The following STK32A variants were observed in gnomAD, a reference collection of about 807,000 sequenced individuals.
The protein encoded by STK32A is serine/threonine kinase 32A, also known as serine/threonine-protein kinase 32A.
In STK32A, 41 loss-of-function variants were observed where a neutral mutation model predicts 53.2. The observed-to-expected ratio is 0.77, with a 90% CI of 0.60 to 1.00. The LOEUF (loss-of-function observed/expected upper bound fraction) is 1.00. Ranked by LOEUF, STK32A falls within the 50% of genes least tolerant of loss-of-function variation. STK32A has a pLI of 0.00. For synonymous variants in STK32A, 166 were observed against 162.8 expected (o/e 1.02, Z -0.15); for missense variants, 458 against 485.8 (o/e 0.94, Z 0.54).
At chr5:147,292,516 C>T (rs1409555518) in intron 4 of STK32A, among the ~76,000 whole-genome samples, 1 of 152,254 alleles carries the variant, frequency 6.6e-6, no homozygotes. Flanking sequence ...AAATTCTTGA[C>T]TTTGGAAAAC....
intron 4 of STK32A, among the ~76,000 whole-genome samples, chr5:147,288,157 C>T (rs113264111): frequency 0.02 from 3,050 of 152,120 alleles, 103 homozygotes; most frequent in African/African-American, 0.07. Context: ...GCATCATTAA[C>T]AATGATAGAA....
At chr5:147,302,172 T>C (rs1753172626) in intron 4 of STK32A, among the ~76,000 whole-genome samples, 1 of 152,214 alleles carries the variant, frequency 6.6e-6, no homozygotes, top group Non-Finnish European at 1.5e-5. Flanking sequence ...GTGCAATTCA[T>C]TCCCATTGTT....
chr5:147,243,702 C>G (rs898316140), intron 2 of STK32A, among the ~76,000 whole-genome samples: 3 of 148,136 alleles, frequency 2.0e-5, no homozygotes, highest in African/African-American at 7.6e-5. Context: ...GATTGCTCCA[C>G]TGCACTCCAG....
the STK32A span, among the ~76,000 whole-genome samples, chr5:147,396,016 C>T: frequency 2.0e-5 from 3 of 151,760 alleles, no homozygotes; most frequent in African/African-American, 7.3e-5. Context: ...GGAGGGATAC[C>T]GGGGAGTGGT....
Position 147,383,908 on chromosome 5 carries a change from C to T in STK32A, c.1116C>T (p.Asn372=), listed in dbSNP as rs745935917. The T allele has an allele frequency of 3.8e-6, 6 of 1,585,256 alleles. No homozygotes were observed. Among genetic ancestry groups the T allele is most frequent in the Non-Finnish European group, 5.2e-6 (6 of 1,163,746 alleles). Residue 372 remains asparagine (N), a synonymous_variant, in exon 13 of 13, where the codon AAC becomes AAT. Coordinates refer to ENST00000397936, the MANE Select transcript of STK32A (RefSeq NM_001112724.2). ...TTTTAAGAGTAAACAGGGACTTTAA[C>T]AAAAGACAACCAAATCTAGCCTTGG... is the stretch of plus-strand genomic sequence containing the variant. The part of the protein sequence containing the change: ...FNREKVNRDF[N]KRQPNLALEQ...
At chr5:147,366,032 T>TACACAC (rs61026081) in intron 8 of STK32A, among the ~76,000 whole-genome samples, 20 of 149,296 alleles carry the variant, frequency 1.3e-4, no homozygotes, top group East Asian at 2.0e-4. Flanking sequence ...TCCCCAGTGC[T>TACACAC]ACACACACAC....
At chr5:147,355,792 G>GTGTGTATATATATATATATATATA (rs984298293) in intron 7 of STK32A, among the ~76,000 whole-genome samples, 34 of 147,828 alleles carry the variant, frequency 2.3e-4, no homozygotes, top group African/African-American at 7.8e-4. Flanking sequence ...GTGTGTGTGT[G>GTGTGTATATATATATATATATATA]TATATATATA....
chr5:147,237,097 G>A (rs1753355402), intron 1 of STK32A, among the ~76,000 whole-genome samples: 1 of 152,120 alleles, frequency 6.6e-6, no homozygotes, highest in Non-Finnish European at 1.5e-5. Flanking sequence ...TGCATCACAA[G>A]GTCAGGAGAT....
intron 5 of STK32A, among the ~76,000 whole-genome samples, chr5:147,324,380 T>C (rs187038086): frequency 6.6e-6 from 1 of 152,100 alleles, no homozygotes; most frequent in Admixed American, 6.6e-5. Context: ...ATTAAGTAAA[T>C]AATTAAATGG....
chr5:147,329,619 A>G (rs1029995135), intron 5 of STK32A, among the ~76,000 whole-genome samples: 2 of 152,128 alleles, frequency 1.3e-5, no homozygotes, highest in African/African-American at 4.8e-5. Flanking sequence ...TGAGCGATGC[A>G]TGTGTGCCTG....
At chr5:147,379,063 T>A (rs1175548859) in intron 11 of STK32A, among the ~76,000 whole-genome samples, 2 of 151,858 alleles carry the variant, frequency 1.3e-5, no homozygotes, top group Non-Finnish European at 2.9e-5. Context: ...GAACCTGGAA[T>A]GTTTTTCCAT....
chr5:147,262,156 G>A (rs1561677051), intron 2 of STK32A, among the ~76,000 whole-genome samples: 1 of 152,116 alleles, frequency 6.6e-6, no homozygotes, highest in Non-Finnish European at 1.5e-5. Flanking sequence ...CAGCAAGTGA[G>A]AAAACCTGTC....
chr5:147,382,745 T>C (rs1757501634), intron 11 of STK32A, among the ~76,000 whole-genome samples: 1 of 152,166 alleles, frequency 6.6e-6, no homozygotes, highest in African/African-American at 2.4e-5. Context: ...TCCCTACACA[T>C]GCAGTTGTTT....
chr5:147,377,294 CT>C (rs1309728935), intron 11 of STK32A, among the ~76,000 whole-genome samples: 3 of 151,890 alleles, frequency 2.0e-5, no homozygotes, highest in Non-Finnish European at 4.4e-5. Flanking sequence ...TTATTTCAGT[CT>C]TTTTAAATTT....
rs574552745 is a variant in STK32A, at chr5:147,318,207, CA to C, written c.261-5689del. On this transcript the variant is annotated intron_variant, in intron 4 of 12. Coordinates refer to ENST00000397936, the MANE Select transcript of STK32A (RefSeq NM_001112724.2). ...ACTTTGTTCTTTTCCTTCGTCTTTA[CA>C]ACATATTGTGGAAAACGTTCCATAT... 1.2e-3 allele frequency among the ~76,000 whole-genome samples: 190 copies of C among 152,110 alleles called. 3 individuals carry two copies. Among genetic ancestry groups the C allele is most frequent in the African/African-American group, 4.4e-3 (183 of 41,490 alleles).
chr5:147,275,496 T>C (rs1755215016), intron 2 of STK32A, among the ~76,000 whole-genome samples: 1 of 152,128 alleles, frequency 6.6e-6, no homozygotes, highest in African/African-American at 2.4e-5. Context: ...AGCAAATTTT[T>C]AATTTTTTGT....
intron 9 of STK32A, 105 bp downstream of exon 9, chr5:147,370,875 T>C: frequency 1.4e-6 from 1 of 713,836 alleles, no homozygotes; most frequent in Non-Finnish European, 2.4e-6. Context: ...CATGATAGTA[T>C]ACATTTGTAG....
chr5:147,382,578 G>C (rs1054311134), intron 11 of STK32A, among the ~76,000 whole-genome samples: 9 of 151,618 alleles, frequency 5.9e-5, no homozygotes, highest in Non-Finnish European at 1.3e-4. Flanking sequence ...CCATCCCCAG[G>C]GTTTGCTGTT....
intron 4 of STK32A, among the ~76,000 whole-genome samples, chr5:147,283,350 C>A (rs1224871914): frequency 1.3e-5 from 2 of 151,592 alleles, no homozygotes; most frequent in Non-Finnish European, 2.9e-5. Flanking sequence ...ACTGAAAGAG[C>A]ACAAACTGAC....
Sources: allele counts gnomAD v4.1 joint callset (sites outside exome capture counted in the v4.1 genomes callset), GRCh38; gene constraint gnomAD v4.1.1; transcripts MANE v1.5; gene names NCBI Gene and HGNC (gene_info 2026-07-23, HGNC 2026-07-21).